ARL15: variants seen among roughly 807,000 people sequenced by gnomAD.
ARL15 encodes the protein ARF like GTPase 15, also known as ADP-ribosylation factor-like protein 15.
A neutral mutation model predicts 25.2 loss-of-function variants in ARL15; 19 were observed. The ratio of observed to expected loss-of-function variants is 0.75; its 90% confidence interval spans 0.53 to 1.10. The LOEUF is 1.10. Ranked by LOEUF, ARL15 falls within the 50% of genes least tolerant of loss-of-function variation. The probability of loss-of-function intolerance (pLI) is 0.00; values close to 1 mark genes in which losing one functional copy is unlikely to be tolerated. For synonymous variants in ARL15, 94 were observed against 86.8 expected (o/e 1.08, Z -0.46); for missense variants, 220 against 246.0 (o/e 0.89, Z 0.71).
chr5:54,198,464 CA>C (rs770969301), intron 1 of ARL15, among the ~76,000 whole-genome samples: 19 of 150,296 alleles, frequency 1.3e-4, no homozygotes, highest in Non-Finnish European at 2.5e-4. Flanking sequence ...GATACAAAAT[CA>C]ATGTACAAAA....
chr5:54,016,810 C>A (rs1749442305), intron 4 of ARL15, among the ~76,000 whole-genome samples: 1 of 152,174 alleles, frequency 6.6e-6, no homozygotes, highest in Non-Finnish European at 1.5e-5. Context: ...GAGTCAAATG[C>A]CTTATAATAC....
chr5:54,135,462 G>C (rs899532611), intron 3 of ARL15, among the ~76,000 whole-genome samples: 3 of 152,176 alleles, frequency 2.0e-5, no homozygotes, highest in Admixed American at 6.5e-5. Context: ...AAGATAATTA[G>C]ATTGAAAAGT....
intron 4 of ARL15, among the ~76,000 whole-genome samples, chr5:54,088,629 T>C (rs542263070): frequency 2.0e-5 from 3 of 152,246 alleles, no homozygotes; most frequent in South Asian, 4.1e-4. Context: ...AGGACAACAC[T>C]AGGCAGCACA....
At chr5:54,043,697 T>C (rs543723491) in intron 4 of ARL15, among the ~76,000 whole-genome samples, 8 of 152,292 alleles carry the variant, frequency 5.3e-5, no homozygotes, top group African/African-American at 1.2e-4. Flanking sequence ...ATTGCATATA[T>C]CATTTCATTT....
chr5:54,183,928 T>G (rs1579884924), intron 1 of ARL15, among the ~76,000 whole-genome samples: 1 of 144,542 alleles, frequency 6.9e-6, no homozygotes, highest in East Asian at 2.1e-4. Flanking sequence ...CCATAAAAAA[T>G]GATGAGTTCA....
At chr5:53,955,811 C>T (rs970333343) in intron 4 of ARL15, among the ~76,000 whole-genome samples, 2 of 152,106 alleles carry the variant, frequency 1.3e-5, no homozygotes, top group African/African-American at 4.8e-5. Flanking sequence ...CACAGTGTAC[C>T]TTATTTACAA....
At chr5:54,093,708 A>C (rs1387150497) in intron 4 of ARL15, among the ~76,000 whole-genome samples, 1 of 151,736 alleles carries the variant, frequency 6.6e-6, no homozygotes, top group East Asian at 1.9e-4. Context: ...AAAAAAAAGA[A>C]AAAAGACTGA....
chr5:54,161,378 G>A (rs192677600), intron 2 of ARL15, among the ~76,000 whole-genome samples: 46 of 152,130 alleles, frequency 3.0e-4, no homozygotes, highest in Admixed American at 2.2e-3. Flanking sequence ...CCAAAAAAAA[G>A]GGATATCATA....
chr5:54,212,170 T>C (rs1421483554), intron 1 of ARL15, among the ~76,000 whole-genome samples: 1 of 152,196 alleles, frequency 6.6e-6, no homozygotes, highest in Non-Finnish European at 1.5e-5. Context: ...TCAGTAACAC[T>C]TTACTTACAA....
At chr5:54,071,572 C>G (rs920838751) in intron 4 of ARL15, among the ~76,000 whole-genome samples, 1 of 139,402 alleles carries the variant, frequency 7.2e-6, no homozygotes, top group South Asian at 2.5e-4. Context: ...ACCTGGAAGT[C>G]TCAAAGGAAT....
At chr5:54,093,564 GAA>G (rs1385040692) in intron 4 of ARL15, among the ~76,000 whole-genome samples, 1 of 152,056 alleles carries the variant, frequency 6.6e-6, no homozygotes, top group Non-Finnish European at 1.5e-5. Flanking sequence ...AGGTATGTGT[GAA>G]AGTCTCCAGT....
intron 1 of ARL15, among the ~76,000 whole-genome samples, chr5:54,232,547 C>A (rs1424022468): frequency 6.6e-6 from 1 of 152,012 alleles, no homozygotes; most frequent in Non-Finnish European, 1.5e-5. Context: ...GAAAGCAGAG[C>A]CTTATGCTGC....
intron 4 of ARL15, among the ~76,000 whole-genome samples, chr5:54,024,408 T>A (rs1749716184): frequency 6.6e-6 from 1 of 152,218 alleles, no homozygotes; most frequent in Non-Finnish European, 1.5e-5. Context: ...GTGAGTAACA[T>A]GTACTGCGAT....
chr5:54,256,148 C>A (rs956299217), intron 1 of ARL15, among the ~76,000 whole-genome samples: 1 of 151,578 alleles, frequency 6.6e-6, no homozygotes, highest in Non-Finnish European at 1.5e-5. Context: ...AAAGACAAAA[C>A]TGATAGACCA....
intron 4 of ARL15, among the ~76,000 whole-genome samples, chr5:54,067,862 GTTTCACTCACACA>G (rs916190331): frequency 2.6e-5 from 4 of 152,082 alleles, no homozygotes; most frequent in African/African-American, 9.7e-5. Flanking sequence ...TTTCTCCTAA[GTTTCACTCACACA>G]TTCATTCACT....
At chr5:54,097,136 G>A (rs1320827086) in intron 4 of ARL15, among the ~76,000 whole-genome samples, 2 of 152,112 alleles carry the variant, frequency 1.3e-5, no homozygotes, top group Non-Finnish European at 2.9e-5. Context: ...CCAACATGGT[G>A]AAACCTCGTC....
rs1302072201 is a variant in ARL15 at position 54,219,819 on chromosome 5, T to C, written c.49-47891A>G. 2.7e-4 allele frequency among the ~76,000 whole-genome samples: 41 copies of C among 152,240 alleles called. 1 individual carries two copies. Among genetic ancestry groups the C allele is most frequent in the Admixed American group, 2.7e-3 (41 of 15,282 alleles). On this transcript the variant is annotated intron_variant, in intron 1 of 4. Transcript: ENST00000504924. ...TTGTGGCTAAAAAGTTCATTCCTGA[T>C]ACTAACTGTTCTTTAAAAGCCATGG...
intron 4 of ARL15, among the ~76,000 whole-genome samples, chr5:53,955,289 G>A (rs1747109123): frequency 6.6e-6 from 1 of 151,962 alleles, no homozygotes; most frequent in Non-Finnish European, 1.5e-5. Flanking sequence ...TTTCTGCCAA[G>A]CTAATACAGT....
At chr5:54,228,666 AT>A (rs1411720970) in intron 1 of ARL15, among the ~76,000 whole-genome samples, 1 of 152,174 alleles carries the variant, frequency 6.6e-6, no homozygotes, top group Non-Finnish European at 1.5e-5. Context: ...TTATTTGTTC[AT>A]CCTTTTCCTC....
Sources: allele counts gnomAD v4.1 joint callset (sites outside exome capture counted in the v4.1 genomes callset), GRCh38; gene constraint gnomAD v4.1.1; transcripts MANE v1.5; gene names NCBI Gene and HGNC (gene_info 2026-07-23, HGNC 2026-07-21).